The following ANTXR2 variants were observed in gnomAD, a reference collection of about 807,000 sequenced individuals.
ANTXR2 encodes anthrax toxin receptor 2.
ANTXR2 carries 44 observed loss-of-function variants against 73.7 expected under a neutral mutation model. The observed-to-expected ratio is 0.60, with a 90% CI of 0.47 to 0.77. The LOEUF (loss-of-function observed/expected upper bound fraction) is 0.77. Among genes scored for constraint, ANTXR2 ranks in the 30% least tolerant of loss-of-function variants. The pLI, the probability that ANTXR2 is intolerant of heterozygous loss-of-function variation, is 0.00. For synonymous variants in ANTXR2, 217 were observed against 205.9 expected (o/e 1.05, Z -0.46); for missense variants, 604 against 592.5 (o/e 1.02, Z -0.20).
intron 12 of ANTXR2, among the ~76,000 whole-genome samples, chr4:79,985,621 G>A (rs1730109821): frequency 1.3e-5 from 2 of 151,996 alleles, no homozygotes; most frequent in South Asian, 2.1e-4. Context: ...ACATATAAGA[G>A]AAAAGTCCAT....
chr4:80,037,782 C>CA (rs1733047371), intron 7 of ANTXR2, among the ~76,000 whole-genome samples: 1 of 151,946 alleles, frequency 6.6e-6, no homozygotes, highest in Non-Finnish European at 1.5e-5. Context: ...AAAAGATTTG[C>CA]AAAGGAATAT....
intron 3 of ANTXR2, among the ~76,000 whole-genome samples, chr4:80,068,210 T>A (rs1414471965): frequency 7.2e-5 from 11 of 152,208 alleles, no homozygotes; most frequent in Non-Finnish European, 1.5e-5. Flanking sequence ...TTCTTGACCT[T>A]TTCAAGGGAA....
intron 12 of ANTXR2, among the ~76,000 whole-genome samples, chr4:79,990,481 G>A (rs1456133910): frequency 6.7e-6 from 1 of 150,030 alleles, no homozygotes; most frequent in African/African-American, 2.4e-5. Flanking sequence ...AGTAATCAGA[G>A]ATAACAAAAA....
At chr4:79,909,646 A>C (rs1469316634) in intron 16 of ANTXR2, among the ~76,000 whole-genome samples, 1 of 138,982 alleles carries the variant, frequency 7.2e-6, no homozygotes, top group East Asian at 2.0e-4. Context: ...TATAAGCACC[A>C]AAAAAAAAAA....
chr4:79,979,298 A>C (rs922536984), intron 14 of ANTXR2, among the ~76,000 whole-genome samples: 50 of 152,286 alleles, frequency 3.3e-4, no homozygotes, highest in African/African-American at 1.2e-3. Context: ...AAAACCAAGG[A>C]CATCACCAAA....
intron 16 of ANTXR2, among the ~76,000 whole-genome samples, chr4:79,967,279 A>G (rs368848871): frequency 1.8e-5 from 1 of 54,174 alleles, no homozygotes; most frequent in Non-Finnish European, 3.9e-5. Context: ...TGCCCACGGA[A>G]TCTCGCTGAT....
chr4:80,026,524 C>G (rs551086064), intron 10 of ANTXR2, among the ~76,000 whole-genome samples: 2 of 147,714 alleles, frequency 1.4e-5, no homozygotes, highest in Non-Finnish European at 3.0e-5. Context: ...ATTTAAGTAC[C>G]TATTTCAAGA....
Position 80,056,054 on chromosome 4 carries a change from C to T in ANTXR2, c.297-41G>A, listed in dbSNP as rs115552826. The T allele has an allele frequency of 8.3e-4, 1,127 of 1,350,388 alleles. 11 individuals carry two copies. In the African/African-American group the frequency reaches 0.015, roughly 18 times the overall value. 83.7% of individuals were successfully genotyped at this position (1,350,388 alleles called of 1,614,324 possible). A position where few individuals can be genotyped will look rare whatever the true frequency, so the allele number is the denominator to read the frequency against. ...AACAAAAGAAAAAATGAGCAAAGAGCAAAGGTAACAATAAACACTTCTTAA... is the reference window on the plus strand; with the variant it reads ...AACAAAAGAAAAAATGAGCAAAGAGTAAAGGTAACAATAAACACTTCTTAA... On this transcript the variant is annotated intron_variant, in intron 3 of 16. Coordinates refer to ENST00000403729, the MANE Select transcript of ANTXR2 (RefSeq NM_058172.6).
intron 12 of ANTXR2, among the ~76,000 whole-genome samples, chr4:79,986,962 A>G (rs1428914199): frequency 2.0e-5 from 3 of 152,214 alleles, no homozygotes; most frequent in Non-Finnish European, 4.4e-5. Flanking sequence ...CAAACCCTCA[A>G]GAACATCAAA....
At chr4:79,933,851 C>CA (rs1299804665) in intron 16 of ANTXR2, among the ~76,000 whole-genome samples, 1 of 151,542 alleles carries the variant, frequency 6.6e-6, no homozygotes, top group African/African-American at 2.4e-5. Flanking sequence ...TCTCCCGCCT[C>CA]AGCCTTCGGA....
In ANTXR2 at chr4:79,994,693, G is replaced by A. The variant is rs1232551864; in HGVS notation, c.1042-9830C>T. Among the ~76,000 whole-genome samples, 4 of 151,444 alleles carry A rather than the reference G, an allele frequency of 2.6e-5. No individual in the cohort carries two copies. In the East Asian group the frequency reaches 7.8e-4, roughly 29 times the overall value. ...ATCCCATATAGCATCTAGTTTAATA[G>A]TGATATGGGAAAATTGAATTTCAAT... On this transcript the variant is annotated intron_variant, in intron 12 of 16. Transcript: ENST00000403729.
At position 79,928,649 on chromosome 4, in the gene ANTXR2, C is replaced by G. The variant is rs531983400; in HGVS notation, c.1429-21182G>C. Among the ~76,000 whole-genome samples, 3 of 151,692 alleles carry G rather than the reference C, an allele frequency of 2.0e-5. No homozygotes were observed. In the South Asian group the frequency reaches 6.2e-4, roughly 32 times the overall value. ...ATACAAATTTTAAAAAATCTATATG[C>G]CAGTAATAAGAATAGTATGAAAGAT... On this transcript the variant is annotated intron_variant, in intron 16 of 16. Coordinates refer to ENST00000403729, the MANE Select transcript of ANTXR2 (RefSeq NM_058172.6).
intron 16 of ANTXR2, among the ~76,000 whole-genome samples, chr4:79,973,183 T>G (rs1014331311): frequency 1.3e-5 from 2 of 152,314 alleles, no homozygotes; most frequent in African/African-American, 4.8e-5. Flanking sequence ...AATAGTATGG[T>G]TTCCTAATAC....
At chr4:79,975,172 T>G (rs1729576818) in intron 16 of ANTXR2, among the ~76,000 whole-genome samples, 1 of 152,186 alleles carries the variant, frequency 6.6e-6, no homozygotes, top group Admixed American at 6.5e-5. Context: ...TCATTCTACA[T>G]ATCTCCTACC....
chr4:80,059,793 CA>C (rs1330214140), intron 3 of ANTXR2, among the ~76,000 whole-genome samples: 1 of 151,998 alleles, frequency 6.6e-6, no homozygotes, highest in East Asian at 1.9e-4. Context: ...GGAAAATAGC[CA>C]CCACAACTGC....
At chr4:80,003,556 TATAATA>T (rs764360352) in intron 12 of ANTXR2, among the ~76,000 whole-genome samples, 43 of 151,788 alleles carry the variant, frequency 2.8e-4, no homozygotes, top group Admixed American at 4.6e-4. Context: ...AAACTTAAAG[TATAATA>T]ATAATAAAAT....
At chr4:80,008,335 A>T (rs938749624) in intron 12 of ANTXR2, among the ~76,000 whole-genome samples, 186 bp downstream of exon 12, 7 of 152,152 alleles carry the variant, frequency 4.6e-5, no homozygotes, top group African/African-American at 7.2e-5. Flanking sequence ...TTTTAGATGA[A>T]TTTTTTAAAT....
intron 16 of ANTXR2, among the ~76,000 whole-genome samples, chr4:79,934,850 A>C (rs1417529921): frequency 6.6e-6 from 1 of 152,108 alleles, no homozygotes; most frequent in Non-Finnish European, 1.5e-5. Flanking sequence ...CAAAAAAAAA[A>C]AAAAAACTGT....
At chr4:79,913,391 A>T (rs534401580) in intron 16 of ANTXR2, among the ~76,000 whole-genome samples, 1 of 152,320 alleles carries the variant, frequency 6.6e-6, no homozygotes, top group South Asian at 2.1e-4. Context: ...GCAAGGTCAC[A>T]ACTGGCTATC....
Sources: gnomAD v4.1 joint callset for allele counts (sites outside exome capture counted in the v4.1 genomes callset) on GRCh38, gnomAD v4.1.1 for gene constraint, MANE v1.5 for transcripts, NCBI Gene and HGNC (gene_info 2026-07-23, HGNC 2026-07-21) for gene names.